The following CLIP1 variants were observed in gnomAD, a reference collection of about 807,000 sequenced individuals.
CLIP1 encodes CAP-Gly domain-containing linker protein 1.
CLIP1 carries 66 observed loss-of-function variants against 161.6 expected under a neutral mutation model. The ratio of observed to expected loss-of-function variants is 0.41; its 90% CI spans 0.33 to 0.50. The LOEUF is 0.50. CLIP1 is among the 20% of genes least tolerant of loss of function. The pLI is 0.27. For synonymous variants in CLIP1, 598 were observed against 626.2 expected (o/e 0.96, Z 0.67); for missense variants, 1,376 against 1,702.0 (o/e 0.81, Z 3.37).
chr12:122,319,405 T>C (rs1362640867), intron 17 of CLIP1, 57 bp from the exon 18 acceptor site: 6 of 1,324,330 alleles, frequency 4.5e-6, no homozygotes, highest in Admixed American at 1.7e-5. Flanking sequence ...CACCGTTAGG[T>C]GAGGATCGGG....
intron 11 of CLIP1, among the ~76,000 whole-genome samples, chr12:122,340,040 A>G (rs1315156259): frequency 6.6e-6 from 1 of 151,118 alleles, no homozygotes; most frequent in Non-Finnish European, 1.5e-5. Context: ...GCACCTGACT[A>G]TATGTGGTTA....
chr12:122,349,024 G>A (rs1355901234), intron 9 of CLIP1, among the ~76,000 whole-genome samples: 5 of 152,162 alleles, frequency 3.3e-5, no homozygotes, highest in Admixed American at 1.3e-4. Context: ...ACCTGCTTCA[G>A]CTCTGTATAC....
intron 1 of CLIP1, among the ~76,000 whole-genome samples, chr12:122,405,840 G>A (rs975430439): frequency 2.6e-5 from 4 of 151,980 alleles, no homozygotes; most frequent in African/African-American, 7.3e-5. Flanking sequence ...AGGACAAGGC[G>A]AGCGGATCAC....
intron 19 of CLIP1, 128 bp downstream of exon 19, chr12:122,316,621 G>A (rs1040592256): frequency 1.2e-5 from 7 of 574,966 alleles, no homozygotes; most frequent in African/African-American, 1.9e-5. Context: ...TGCTTCTGGG[G>A]TATGCAATAG....
At chr12:122,312,029 G>T (rs1244405031) in intron 19 of CLIP1, among the ~76,000 whole-genome samples, 1 of 152,136 alleles carries the variant, frequency 6.6e-6, no homozygotes, top group African/African-American at 2.4e-5. Flanking sequence ...AATACTCAAG[G>T]AATGATTTTC....
Position 122,339,378 on chromosome 12 carries a change from C to T in CLIP1, c.2451+1375G>A, listed in dbSNP as rs548432668. On this transcript the variant is annotated intron_variant, in intron 11 of 25. Coordinates refer to ENST00000620786, the MANE Select transcript of CLIP1 (RefSeq NM_001247997.2). ...TTGGAGATGGAGTCTTGCTCTGTCG[C>T]CCAGGATGGGGTACAGTGGCACGAT... Among the ~76,000 whole-genome samples, 82 of 152,234 alleles carry T rather than the reference C, an allele frequency of 5.4e-4. No homozygotes were observed. In the Middle Eastern group the frequency reaches 0.02, roughly 38 times the overall value.
At chr12:122,352,672 G>C in intron 8 of CLIP1, 54 bp downstream of exon 8, 2 of 1,432,146 alleles carry the variant, frequency 1.4e-6, no homozygotes, top group Middle Eastern at 1.7e-4. Context: ...TATTTCGCCC[G>C]TGTTCTGAAT....
intron 20 of CLIP1, among the ~76,000 whole-genome samples, chr12:122,300,858 T>A (rs1206328489): frequency 1.3e-5 from 2 of 152,208 alleles, no homozygotes; most frequent in Admixed American, 6.5e-5. Context: ...TACACTTGCA[T>A]TCACCAAATG....
At chr12:122,300,848 T>C (rs187585643) in intron 20 of CLIP1, among the ~76,000 whole-genome samples, 7 of 152,366 alleles carry the variant, frequency 4.6e-5, no homozygotes, top group Admixed American at 2.0e-4. Flanking sequence ...GCAAATGTTT[T>C]ACACTTGCAT....
At chr12:122,368,554 C>A (rs1456253984) in intron 3 of CLIP1, among the ~76,000 whole-genome samples, 1 of 152,084 alleles carries the variant, frequency 6.6e-6, no homozygotes, top group Non-Finnish European at 1.5e-5. Context: ...GTCTCAAGAG[C>A]AGTAATGAGG....
At chr12:122,344,575 G>C (rs1952657808) in intron 10 of CLIP1, among the ~76,000 whole-genome samples, 1 of 152,094 alleles carries the variant, frequency 6.6e-6, no homozygotes, top group Non-Finnish European at 1.5e-5. Context: ...TAAAAAATAA[G>C]TAAAAATAAT....
chr12:122,389,627 T>TG (rs1955495815), intron 1 of CLIP1, among the ~76,000 whole-genome samples: 1 of 151,542 alleles, frequency 6.6e-6, no homozygotes, highest in South Asian at 2.1e-4. Context: ...GGCGTGGTGG[T>TG]GCATGCCTGT....
chr12:122,389,507 C>T (rs987013222), intron 1 of CLIP1, among the ~76,000 whole-genome samples: 1 of 151,950 alleles, frequency 6.6e-6, no homozygotes, highest in Non-Finnish European at 1.5e-5. Flanking sequence ...GCCTGTAATC[C>T]CAGCACTTTG....
In CLIP1 at chr12:122,389,758, CAAAAAAAAA is replaced by C. The variant is rs57168188; in HGVS notation, c.-106-9209_-106-9201del. 5.8e-4 allele frequency among the ~76,000 whole-genome samples: 40 copies of C among 69,288 alleles called. 1 individual carries two copies. Among genetic ancestry groups the C allele is most frequent in the South Asian group, 3.5e-3 (5 of 1,420 alleles). 45.5% of individuals were successfully genotyped at this position (69,288 alleles called of 152,430 possible). On this transcript the variant is annotated intron_variant, in intron 1 of 25. Transcript: ENST00000620786. Reference sequence around the variant, plus strand: ...AGGAGAGCAGAATGAGATCCTGTCTCAAAAAAAAAAAAAAAAAAAAAAAAAGAATTTATA... The same window carrying C: ...AGGAGAGCAGAATGAGATCCTGTCTCAAAAAAAAAAAAAAAAGAATTTATA...
chr12:122,379,942 TTTAAAA>T (rs1954930433), intron 2 of CLIP1, among the ~76,000 whole-genome samples: 1 of 14,522 alleles, frequency 6.9e-5, no homozygotes, highest in African/African-American at 8.9e-5. Context: ...AGACTCCATC[TTTAAAA>T]AAAAAAAAAA....
chr12:122,383,262 A>G (rs1446679861), intron 1 of CLIP1, among the ~76,000 whole-genome samples: 1 of 152,310 alleles, frequency 6.6e-6, no homozygotes, highest in Admixed American at 6.5e-5. Context: ...AAAGAACAAA[A>G]TGCTCCTTAA....
At chr12:122,284,726 G>A (rs1955782573) in intron 21 of CLIP1, among the ~76,000 whole-genome samples, 1 of 152,028 alleles carries the variant, frequency 6.6e-6, no homozygotes, top group Admixed American at 6.6e-5. Flanking sequence ...TTTACTTAAA[G>A]TTACATGATA....
At chr12:122,366,184 G>A (rs1219255872) in intron 3 of CLIP1, among the ~76,000 whole-genome samples, 1 of 151,870 alleles carries the variant, frequency 6.6e-6, no homozygotes, top group African/African-American at 2.4e-5. Flanking sequence ...GCTCACGCCT[G>A]TAGTCCCAGC....
chr12:122,389,323 A>G (rs1955478169), intron 1 of CLIP1, among the ~76,000 whole-genome samples: 1 of 152,238 alleles, frequency 6.6e-6, no homozygotes, highest in Non-Finnish European at 1.5e-5. Flanking sequence ...AATGTTTACT[A>G]AATAAAATGA....
Sources: gnomAD v4.1 joint callset for allele counts (sites outside exome capture counted in the v4.1 genomes callset) on GRCh38, gnomAD v4.1.1 for gene constraint, MANE v1.5 for transcripts, NCBI Gene and HGNC (gene_info 2026-07-23, HGNC 2026-07-21) for gene names.